The following LIPC variants were observed in gnomAD, a reference collection of about 807,000 sequenced individuals.
LIPC encodes lipase C, hepatic type, also known as hepatic triacylglycerol lipase.
Under a neutral mutation model 50.7 loss-of-function variants are expected in LIPC, and 44 were observed. The ratio of observed to expected loss-of-function variants is 0.87; its 90% CI spans 0.68 to 1.11. The LOEUF is 1.11. Among genes scored for constraint, LIPC ranks in the 50% most tolerant of loss-of-function variants. LIPC has a pLI of 0.00. For missense variants in LIPC, 697 were observed against 648.2 expected (o/e 1.08, Z -0.82); for synonymous variants, 271 against 256.4 (o/e 1.06, Z -0.54).
At chr15:58,536,677 C>T (rs1297093325) in intron 1 of LIPC, among the ~76,000 whole-genome samples, 1 of 152,180 alleles carries the variant, frequency 6.6e-6, no homozygotes, top group Non-Finnish European at 1.5e-5. Flanking sequence ...CAAGCTGAGA[C>T]TCTCTATAAG....
chr15:58,527,678 G>A (rs761058040), intron 1 of LIPC, among the ~76,000 whole-genome samples: 28 of 152,180 alleles, frequency 1.8e-4, no homozygotes, highest in Non-Finnish European at 2.9e-5. Context: ...ATAAGACCAT[G>A]AGCTTTTTGA....
intron 1 of LIPC, among the ~76,000 whole-genome samples, chr15:58,444,231 T>C (rs1214964798): frequency 6.6e-6 from 1 of 152,142 alleles, no homozygotes; most frequent in Non-Finnish European, 1.5e-5. Flanking sequence ...CTGAGGTTAA[T>C]GATTGGGAAG....
intron 1 of LIPC, among the ~76,000 whole-genome samples, chr15:58,517,831 TGTAA>T (rs1595914108): frequency 6.6e-6 from 1 of 152,076 alleles, no homozygotes; most frequent in African/African-American, 2.4e-5. Context: ...ACAACAAGCG[TGTAA>T]GTAAGAAAGG....
In LIPC at chr15:58,495,390, T is replaced by C. The variant is rs148557971; in HGVS notation, c.89-42943T>C. On this transcript the variant is annotated intron_variant, in intron 1 of 8. Transcript: ENST00000299022. The stretch of plus-strand genomic sequence containing the variant: ...CGTAGATACTCTTCATAGAATCTGT[T>C]TCTCTCCCTGTGGGCTCTTTCCTTC... 1.4e-4 allele frequency among the ~76,000 whole-genome samples: 21 copies of C among 152,350 alleles called. No homozygotes were observed. The East Asian group carries it at 3.9e-3, about 28-fold the overall frequency.
At chr15:58,535,953 A>G (rs1387254791) in intron 1 of LIPC, among the ~76,000 whole-genome samples, 1 of 152,280 alleles carries the variant, frequency 6.6e-6, no homozygotes, top group Non-Finnish European at 1.5e-5. Context: ...TTGATCCAAG[A>G]TCTGGATCTG....
intron 5 of LIPC, 50 bp downstream of exon 5, chr15:58,546,025 C>T (rs766158362): frequency 2.1e-5 from 30 of 1,431,452 alleles, no homozygotes; most frequent in Non-Finnish European, 2.9e-5. Context: ...TTCAATGGGG[C>T]CTCTGGAATT....
At chr15:58,466,625 T>G (rs1595872963) in intron 1 of LIPC, among the ~76,000 whole-genome samples, 1 of 152,350 alleles carries the variant, frequency 6.6e-6, no homozygotes, top group East Asian at 1.9e-4. Flanking sequence ...GTTTATACAC[T>G]CTGGGTCAGA....
intron 1 of LIPC, among the ~76,000 whole-genome samples, chr15:58,489,218 G>GGTGT (rs1555400833): frequency 3.1e-5 from 1 of 32,654 alleles, no homozygotes; most frequent in African/African-American, 1.1e-4. Context: ...ATTTTGTTGC[G>GGTGT]GGGGCGGGGG....
At chr15:58,550,278 C>A (rs1893700752) in intron 6 of LIPC, among the ~76,000 whole-genome samples, 2 of 152,144 alleles carry the variant, frequency 1.3e-5, no homozygotes, top group African/African-American at 4.8e-5. Flanking sequence ...GAAAAGAGGT[C>A]ATTTTTCATC....
intron 1 of LIPC, among the ~76,000 whole-genome samples, chr15:58,477,441 G>T (rs1159004887): frequency 6.6e-6 from 1 of 152,228 alleles, no homozygotes; most frequent in Non-Finnish European, 1.5e-5. Context: ...AAAGCACTGA[G>T]AGAGGGGAAG....
intron 1 of LIPC, chr15:58,498,617 T>C (rs1189528221): frequency 6.6e-6 from 1 of 152,058 alleles, no homozygotes; most frequent in African/African-American, 2.4e-5. Flanking sequence ...GCAATCATGA[T>C]AAAACATTGA....
At chr15:58,541,993 C>A in intron 3 of LIPC, 26 bp downstream of exon 3, 1 of 1,593,716 alleles carries the variant, frequency 6.3e-7, no homozygotes, top group Admixed American at 1.7e-5. Flanking sequence ...ATCCTTCCTT[C>A]ACCTCCCTTC....
intron 1 of LIPC, among the ~76,000 whole-genome samples, chr15:58,478,155 G>C (rs1281064925): frequency 6.6e-6 from 1 of 152,172 alleles, no homozygotes. Context: ...AGTGATGAGT[G>C]AACTCTCAGA....
intron 1 of LIPC, among the ~76,000 whole-genome samples, chr15:58,452,727 G>A (rs1419268990): frequency 6.8e-6 from 1 of 146,620 alleles, no homozygotes; most frequent in Non-Finnish European, 1.5e-5. Context: ...GGGTAGGGTG[G>A]AGTGGGATGG....
intron 1 of LIPC, among the ~76,000 whole-genome samples, chr15:58,520,794 C>T (rs1336559562): frequency 6.6e-6 from 1 of 152,142 alleles, no homozygotes; most frequent in African/African-American, 2.4e-5. Flanking sequence ...TTTATTTGGC[C>T]ACAAAACTCC....
At chr15:58,543,065 C>T (rs1333893597) in intron 4 of LIPC, among the ~76,000 whole-genome samples, 2 of 152,168 alleles carry the variant, frequency 1.3e-5, no homozygotes, top group African/African-American at 2.4e-5. Context: ...ATTTGTGAAA[C>T]GTGTATGTTT....
At chr15:58,475,497 A>C (rs1252570105) in intron 1 of LIPC, among the ~76,000 whole-genome samples, 1 of 151,882 alleles carries the variant, frequency 6.6e-6, no homozygotes, top group Non-Finnish European at 1.5e-5. Flanking sequence ...CACCCAACTC[A>C]ACTATTACCT....
intron 1 of LIPC, among the ~76,000 whole-genome samples, chr15:58,513,400 G>T (rs1892392761): frequency 6.6e-6 from 1 of 152,156 alleles, no homozygotes; most frequent in Non-Finnish European, 1.5e-5. Context: ...GAAATGAAGG[G>T]AAATATTAGA....
Position 58,541,885 on chromosome 15 carries a change from T to G in LIPC, c.374T>G (p.Leu125Arg). 6.2e-7 allele frequency: 1 copy of G among 1,612,430 alleles called. No individual in the cohort carries two copies. Among genetic ancestry groups the G allele is most frequent in the Non-Finnish European group, 8.5e-7 (1 of 1,179,968 alleles). ...GTGGGGCTGGTGGACTGGATCACCC[T>G]GGCCCACGACCACTACACCATCGCC... ...VNVGLVDWIT[L>R]AHDHYTIAVR... Residue 125 changes from leucine to arginine, a missense_variant, in exon 3 of 9, where the codon CTG becomes CGG. Physicochemically the swap from Leu to Arg is moderately radical, Grantham distance 102 (BLOSUM62 -2). Coordinates refer to ENST00000299022, the MANE Select transcript of LIPC (RefSeq NM_000236.3).
Sources: allele counts gnomAD v4.1 joint callset (sites outside exome capture counted in the v4.1 genomes callset), GRCh38; gene constraint gnomAD v4.1.1; transcripts MANE v1.5; gene names NCBI Gene and HGNC (gene_info 2026-07-23, HGNC 2026-07-21).